The following CELF2 variants were observed in gnomAD, a reference collection of about 807,000 sequenced individuals.
CELF2 encodes the protein CUG triplet repeat RNA-binding protein 2.
CELF2 carries 8 observed loss-of-function variants against 62.6 expected under a neutral mutation model. That is an observed-to-expected ratio of 0.13 (90% CI 0.07 to 0.23). The LOEUF (loss-of-function observed/expected upper bound fraction) is 0.23, where lower values mean the gene tolerates loss of function less well. Ranked by LOEUF, CELF2 falls within the 10% of genes least tolerant of loss-of-function variation. The pLI is 1.00. For synonymous variants in CELF2, 258 were observed against 250.0 expected (o/e 1.03, Z -0.30); for missense variants, 333 against 671.0 (o/e 0.50, Z 5.56).
At chr10:10,961,436 G>T (rs1564270273) in intron 2 of CELF2, among the ~76,000 whole-genome samples, 1 of 152,208 alleles carries the variant, frequency 6.6e-6, no homozygotes, top group Non-Finnish European at 1.5e-5. Context: ...CAGTAACACG[G>T]AAGATTTTGT....
the CELF2 span, among the ~76,000 whole-genome samples, chr10:10,515,867 A>G: frequency 2.6e-5 from 4 of 152,244 alleles, no homozygotes; most frequent in African/African-American, 9.6e-5. Context: ...TCTCCGAAAC[A>G]GGGAAACATC....
chr10:11,197,047 A>AAGAAAGAAAGAAAGAAAGAAAGAAAGAT (rs2057997018), intron 2 of CELF2, among the ~76,000 whole-genome samples: 1 of 25,724 alleles, frequency 3.9e-5, no homozygotes, highest in African/African-American at 2.2e-4. Flanking sequence ...GAAAGAAAGA[A>AAGAAAGAAAGAAAGAAAGAAAGAAAGAT]AGAAAGAAAG....
the CELF2 span, among the ~76,000 whole-genome samples, chr10:10,719,781 A>G: frequency 6.6e-6 from 1 of 152,184 alleles, no homozygotes; most frequent in African/African-American, 2.4e-5. Context: ...GAGTTATTAT[A>G]AGGCTCAATA....
At chr10:10,745,147 G>T in the CELF2 span, among the ~76,000 whole-genome samples, 1 of 148,450 alleles carries the variant, frequency 6.7e-6, no homozygotes, top group African/African-American at 2.5e-5. Context: ...AAAAAACTAT[G>T]ATAAAAACTG....
upstream of CELF2, among the ~76,000 whole-genome samples, chr10:11,001,969 T>C (rs560506620): frequency 2.7e-3 from 404 of 152,318 alleles, 1 homozygote; most frequent in African/African-American, 9.0e-3. Context: ...TTGATACTAG[T>C]ATCCAAGTCA....
intron 1 of CELF2, among the ~76,000 whole-genome samples, chr10:10,903,836 G>A (rs1182154914): frequency 6.6e-6 from 1 of 152,150 alleles, no homozygotes; most frequent in Non-Finnish European, 1.5e-5. Context: ...TGCCCCTACA[G>A]GACAGGAGGC....
At chr10:11,048,811 G>C (rs1554798765) in intron 1 of CELF2, among the ~76,000 whole-genome samples, 1 of 152,222 alleles carries the variant, frequency 6.6e-6, no homozygotes, top group Non-Finnish European at 1.5e-5. Flanking sequence ...GAATTAGTTG[G>C]TTAAAAACTC....
intron 2 of CELF2, among the ~76,000 whole-genome samples, chr10:10,996,702 C>A (rs1238002272): frequency 6.6e-6 from 1 of 152,164 alleles, no homozygotes; most frequent in Non-Finnish European, 1.5e-5. Flanking sequence ...GCTGGAACAT[C>A]CTCCTTTGTC....
the CELF2 span, among the ~76,000 whole-genome samples, chr10:10,752,688 CAAAA>C: frequency 1.7e-5 from 1 of 58,978 alleles, no homozygotes; most frequent in African/African-American, 7.3e-5. Flanking sequence ...GACTCCGTCT[CAAAA>C]AAAAAAAAAA....
chr10:11,262,118 T>G (rs998001078), intron 5 of CELF2, among the ~76,000 whole-genome samples: 1 of 152,224 alleles, frequency 6.6e-6, no homozygotes, highest in Non-Finnish European at 1.5e-5. Context: ...ATATTCCAGC[T>G]GTGTTTATGG....
the CELF2 span, among the ~76,000 whole-genome samples, chr10:10,603,429 AGCCTGAGATGAAG>A: frequency 6.6e-6 from 1 of 152,202 alleles, no homozygotes; most frequent in Admixed American, 6.5e-5. Flanking sequence ...CTGAGGAAGC[AGCCTGAGATGAAG>A]GCTCAAATTG....
At chr10:11,304,613 T>C (rs915944158) in intron 9 of CELF2, among the ~76,000 whole-genome samples, 1 of 152,182 alleles carries the variant, frequency 6.6e-6, no homozygotes, top group African/African-American at 2.4e-5. Context: ...TTCCTCTACG[T>C]ATAAAGCCCT....
chr10:10,477,866 A>G, the CELF2 span, among the ~76,000 whole-genome samples: 1 of 152,126 alleles, frequency 6.6e-6, no homozygotes, highest in Non-Finnish European at 1.5e-5. Flanking sequence ...AATGTAGCAT[A>G]GGAATCTTTT....
At position 11,048,546 on chromosome 10, in the gene CELF2, G is replaced by A. The variant is rs183304262; in HGVS notation, c.74+30383G>A. Among the ~76,000 whole-genome samples the A allele has an allele frequency of 1.6e-4, 24 of 152,286 alleles. No homozygotes were observed. In the East Asian group the frequency reaches 2.7e-3, roughly 17 times the overall value. On this transcript the variant is annotated intron_variant, in intron 1 of 12. Coordinates refer to ENST00000633077, the MANE Select transcript of CELF2 (RefSeq NM_001326342.2). ...CTGTTTTATCCCACCTCTACTTCCC[G>A]TGTAAGGAATATATTGACATCTGGG...
At chr10:10,517,672 C>T in the CELF2 span, among the ~76,000 whole-genome samples, 3 of 152,128 alleles carry the variant, frequency 2.0e-5, no homozygotes, top group South Asian at 2.1e-4. Flanking sequence ...TAGGCAGAGG[C>T]GATTTTCCCT....
the CELF2 span, among the ~76,000 whole-genome samples, chr10:10,701,544 A>C: frequency 6.6e-6 from 1 of 152,172 alleles, no homozygotes; most frequent in East Asian, 1.9e-4. Context: ...ATTTTATCCA[A>C]ATACCCGGGG....
At chr10:10,730,570 G>A in the CELF2 span, among the ~76,000 whole-genome samples, 8 of 152,330 alleles carry the variant, frequency 5.3e-5, no homozygotes, top group African/African-American at 1.7e-4. Context: ...CTGAAAACAC[G>A]CATGTGGGAA....
chr10:11,105,894 G>A (rs1471768635), intron 1 of CELF2, among the ~76,000 whole-genome samples: 1 of 152,184 alleles, frequency 6.6e-6, no homozygotes, highest in Non-Finnish European at 1.5e-5. Context: ...CCCTTCTTTA[G>A]ATTTCTTCAT....
chr10:10,673,981 G>A, the CELF2 span, among the ~76,000 whole-genome samples: 4 of 152,164 alleles, frequency 2.6e-5, no homozygotes, highest in South Asian at 8.3e-4. Flanking sequence ...GTCAGCTTGA[G>A]AAGAATGTGT....
Sources: allele counts gnomAD v4.1 joint callset (sites outside exome capture counted in the v4.1 genomes callset), GRCh38; gene constraint gnomAD v4.1.1; transcripts MANE v1.5; gene names NCBI Gene and HGNC (gene_info 2026-07-23, HGNC 2026-07-21).